IFT81: variants seen among roughly 807,000 people sequenced by gnomAD.
IFT81 encodes the protein intraflagellar transport protein 81 homolog.
In IFT81, 72 loss-of-function variants were observed where a neutral mutation model predicts 102.6. The ratio of observed to expected loss-of-function variants is 0.70; its 90% CI spans 0.58 to 0.85. The LOEUF (loss-of-function observed/expected upper bound fraction) is 0.85, where lower values mean the gene tolerates loss of function less well. IFT81 is among the 40% of genes least tolerant of loss of function. IFT81 has a pLI of 0.00. For missense variants in IFT81, 723 were observed against 787.3 expected (o/e 0.92, Z 0.98); for synonymous variants, 237 against 242.7 (o/e 0.98, Z 0.22).
At position 110,205,621 on chromosome 12, in the gene IFT81, T is replaced by C. The variant is rs1292144506; in HGVS notation, c.1743T>C (p.Ala581=). The C allele has an allele frequency of 1.9e-6, 3 of 1,604,802 alleles. No individual in the cohort carries two copies. In the East Asian group the frequency reaches 6.7e-5, roughly 36 times the overall value. Residue 581 remains alanine (A), a synonymous_variant, in exon 17 of 19, where the codon GCT becomes GCC. Transcript: ENST00000242591. ...IKNLEVQLRR[A]TDEMKAYISS... ...ACCTAGAAGTTCAACTTCGTCGTGC[T>C]ACTGATGAGATGAAGGCATATATCT... is the stretch of plus-strand genomic sequence containing the variant.
At chr12:110,201,246 T>C (rs1432625698) in intron 14 of IFT81, among the ~76,000 whole-genome samples, 7 of 150,914 alleles carry the variant, frequency 4.6e-5, no homozygotes, top group Admixed American at 1.3e-4. Flanking sequence ...CTACTAAAAA[T>C]ACGAAATTAT....
chr12:110,143,635 T>A, intron 9 of IFT81, 90 bp downstream of exon 9: 1 of 1,007,998 alleles, frequency 9.9e-7, no homozygotes, highest in Non-Finnish European at 1.4e-6. Context: ...AGTATCCCAC[T>A]ATTGACTCTT....
chr12:110,127,376 T>TA lies in IFT81; in HGVS notation c.-3dup. On this transcript the variant is annotated 5_prime_UTR_variant, in exon 2 of 19. Coordinates refer to ENST00000242591, the MANE Select transcript of IFT81 (RefSeq NM_014055.4). ...ACTCTTTAGTTAAAATTATAAGACC[T>TA]AATTATGAGTGATCAAATTAAATTC... 6.5e-7 allele frequency: 1 copy of TA among 1,545,740 alleles called. No individual in the cohort carries two copies. Among genetic ancestry groups the TA allele is most frequent in the Non-Finnish European group, 8.7e-7 (1 of 1,153,052 alleles).
chr12:110,130,197 T>C (rs1039963923), intron 4 of IFT81, among the ~76,000 whole-genome samples: 1 of 152,172 alleles, frequency 6.6e-6, no homozygotes, highest in Non-Finnish European at 1.5e-5. Context: ...GATGTCACAG[T>C]AGATGCCATG....
At chr12:110,191,796 A>T (rs529651348) in intron 13 of IFT81, among the ~76,000 whole-genome samples, 1 of 152,110 alleles carries the variant, frequency 6.6e-6, no homozygotes, top group South Asian at 2.1e-4. Context: ...ACCCCCCTCC[A>T]GTTGTCTTGT....
Position 110,129,342 on chromosome 12 carries a change from G to GA in IFT81, c.429+224dup, listed in dbSNP as rs34929800. Among the ~76,000 whole-genome samples the GA allele has an allele frequency of 8.9e-3, 1,242 of 139,584 alleles. 7 individuals carry two copies. Among genetic ancestry groups the GA allele is most frequent in the Non-Finnish European group, 0.012 (737 of 63,950 alleles). The allele number at this position is 139,584 out of a possible 152,430, so 91.6% of individuals were successfully genotyped here. ...TTTTAGTGATAGGAGTATGTGAATA[G>GA]AAAAAAAAAAAACCTGATACTAAGA... On this transcript the variant is annotated intron_variant, in intron 4 of 18. Transcript: ENST00000242591.
At chr12:110,203,517 G>T (rs892672255) in intron 14 of IFT81, 1 of 206,876 alleles carries the variant, frequency 4.8e-6, no homozygotes, top group Non-Finnish European at 9.8e-6. Context: ...CGGGAGTCCT[G>T]TGTGCCTTCT....
At chr12:110,198,415 T>C (rs927390812) in intron 14 of IFT81, among the ~76,000 whole-genome samples, 3 of 152,178 alleles carry the variant, frequency 2.0e-5, no homozygotes, top group Non-Finnish European at 4.4e-5. Flanking sequence ...ATTTTTATCT[T>C]TTTCTTTGGT....
At chr12:110,207,891 T>C (rs1868886757) in intron 17 of IFT81, among the ~76,000 whole-genome samples, 1 of 152,178 alleles carries the variant, frequency 6.6e-6, no homozygotes, top group Non-Finnish European at 1.5e-5. Context: ...AGTATTGAAA[T>C]ATAATTTTGT....
chr12:110,163,038 T>C lies in IFT81; in HGVS notation c.1161T>C (p.Asp387=), dbSNP rs1056763646. ...SVKRNQTREF[D]GTEVLKGDEF... ...AGAGAAATCAGACCCGTGAATTTGA[T>C]GGTACTGAAGTTTTAAAGGGAGATG... Residue 387 remains aspartate (D), a synonymous_variant, in exon 11 of 19, where the codon GAT becomes GAC. Transcript: ENST00000242591. 3 of 1,614,014 alleles carry C rather than the reference T, an allele frequency of 1.9e-6. No homozygotes were observed. Among genetic ancestry groups the C allele is most frequent in the Non-Finnish European group, 2.5e-6 (3 of 1,179,958 alleles).
At chr12:110,202,525 T>C (rs574190294) in intron 14 of IFT81, among the ~76,000 whole-genome samples, 83 of 151,594 alleles carry the variant, frequency 5.5e-4, no homozygotes, top group Non-Finnish European at 1.1e-3. Context: ...TGATCTCGGC[T>C]CACTGCAACC....
chr12:110,143,523 ATCT>A lies in IFT81; in HGVS notation c.928_930del (p.Leu310del). On this transcript the variant is annotated inframe_deletion, in exon 9 of 19. Coordinates refer to ENST00000242591, the MANE Select transcript of IFT81 (RefSeq NM_014055.4). ...TCAGAGCCAGCTATGGGCCATTCTG[ATCT>A]TCTTGAACTTGAATCTAAAGTAAGT... 1.3e-6 allele frequency: 2 copies of A among 1,556,978 alleles called. No individual in the cohort carries two copies. The highest frequency in any genetic ancestry group is 1.7e-6 in the Non-Finnish European group (2 of 1,162,732).
intron 10 of IFT81, among the ~76,000 whole-genome samples, chr12:110,160,758 T>G (rs1896088038): frequency 6.6e-6 from 1 of 152,238 alleles, no homozygotes. Context: ...TTTTCTTTCC[T>G]TATGTCTTCC....
chr12:110,188,662 C>T (rs1215363379), intron 12 of IFT81, among the ~76,000 whole-genome samples: 3 of 151,600 alleles, frequency 2.0e-5, no homozygotes, highest in Admixed American at 6.6e-5. Flanking sequence ...CGGTGGCTCA[C>T]GCCTGTAATC....
intron 15 of IFT81, 73 bp downstream of exon 15, chr12:110,204,023 T>C (rs1898442231): frequency 4.3e-6 from 4 of 931,032 alleles, no homozygotes; most frequent in Non-Finnish European, 6.8e-6. Flanking sequence ...CCAGCTACTC[T>C]GGAGGCTGAA....
At chr12:110,207,949 A>AT (rs543306804) in intron 17 of IFT81, among the ~76,000 whole-genome samples, 4 of 150,502 alleles carry the variant, frequency 2.7e-5, no homozygotes, top group Admixed American at 6.6e-5. Context: ...TTACATTAAA[A>AT]TTTTTTTTTT....
intron 10 of IFT81, among the ~76,000 whole-genome samples, chr12:110,149,343 C>T (rs1334420764): frequency 6.6e-6 from 1 of 152,172 alleles, no homozygotes; most frequent in Non-Finnish European, 1.5e-5. Flanking sequence ...GAGGTATAGA[C>T]AGGCAGGTTG....
intron 11 of IFT81, among the ~76,000 whole-genome samples, chr12:110,180,096 C>A (rs1460480196): frequency 6.6e-6 from 1 of 152,068 alleles, no homozygotes; most frequent in African/African-American, 2.4e-5. Flanking sequence ...GTGGGGAAAA[C>A]AAATACTGAA....
chr12:110,199,146 A>G (rs1898148700), intron 14 of IFT81, among the ~76,000 whole-genome samples: 1 of 151,766 alleles, frequency 6.6e-6, no homozygotes, highest in African/African-American at 2.4e-5. Flanking sequence ...TTCCTCCTTT[A>G]TAGTTTTTAT....
Sources: allele counts gnomAD v4.1 joint callset (sites outside exome capture counted in the v4.1 genomes callset), GRCh38; gene constraint gnomAD v4.1.1; transcripts MANE v1.5; gene names NCBI Gene and HGNC (gene_info 2026-07-23, HGNC 2026-07-21).